Variants in ZFHX4 observed in about 807,000 individuals in gnomAD.
The protein encoded by ZFHX4 is zinc finger homeobox 4, also known as zinc finger homeobox protein 4.
A neutral mutation model predicts 267.6 loss-of-function variants in ZFHX4; 56 were observed. The observed-to-expected ratio is 0.21, with a 90% CI of 0.17 to 0.26. The LOEUF (loss-of-function observed/expected upper bound fraction) is 0.26, where lower values mean the gene tolerates loss of function less well. Ranked by LOEUF, ZFHX4 falls within the 10% of genes least tolerant of loss-of-function variation. The probability of loss-of-function intolerance (pLI) is 1.00; values close to 1 mark genes in which losing one functional copy is unlikely to be tolerated. For synonymous variants in ZFHX4, 1,778 were observed against 1,665.6 expected (o/e 1.07, Z -1.64); for missense variants, 4,332 against 4,420.0 (o/e 0.98, Z 0.56).
intron 1 of ZFHX4, among the ~76,000 whole-genome samples, chr8:76,687,605 C>A (rs936025145): frequency 3.9e-5 from 6 of 152,156 alleles, no homozygotes; most frequent in East Asian, 1.9e-4. Flanking sequence ...TTTTCTTCTT[C>A]TTATTCTCCC....
At chr8:76,732,143 T>C (rs948850662) in intron 3 of ZFHX4, among the ~76,000 whole-genome samples, 5 of 152,040 alleles carry the variant, frequency 3.3e-5, no homozygotes, top group African/African-American at 1.2e-4. Context: ...CACCTGACCA[T>C]GATCACATTT....
rs575948315 is a variant in ZFHX4, at chr8:76,704,687, C to T, written c.599C>T (p.Ser200Phe). Residue 200 changes from serine to phenylalanine, a missense_variant, in exon 2 of 11, where the codon TCC becomes TTC. By Grantham distance (155) the Ser-to-Phe change is radical. Around this residue, in one of 7 missense-constraint regions of ZFHX4, gnomAD observed 1,195 missense variants for 1,173.6 expected, o/e 1.02. Coordinates refer to ENST00000651372, the MANE Select transcript of ZFHX4 (RefSeq NM_024721.5). Reference sequence around the variant, plus strand: ...ATCAACACTTTTCATATCGCTTCATCCCTCGGGAAACCATTTACAGCCGAT... The same window carrying T: ...ATCAACACTTTTCATATCGCTTCATTCCTCGGGAAACCATTTACAGCCGAT... ...QIINTFHIAS[S>F]LGKPFTADQA... 6.2e-7 allele frequency: 1 copy of T among 1,614,034 alleles called. No homozygotes were observed. Among genetic ancestry groups the T allele is most frequent in the African/African-American group, 1.3e-5 (1 of 75,072 alleles).
chr8:76,720,096 A>G (rs1303200017), intron 3 of ZFHX4, among the ~76,000 whole-genome samples: 2 of 152,196 alleles, frequency 1.3e-5, no homozygotes, highest in Non-Finnish European at 2.9e-5. Context: ...TGCAGCCATT[A>G]CCACAATTGA....
chr8:76,759,960 T>C (rs1056332280), intron 3 of ZFHX4, among the ~76,000 whole-genome samples: 4 of 152,176 alleles, frequency 2.6e-5, no homozygotes, highest in African/African-American at 9.6e-5. Flanking sequence ...TTTAAGCTTA[T>C]GTTGTTATTT....
At chr8:76,772,319 T>G (rs1437036082) in intron 3 of ZFHX4, among the ~76,000 whole-genome samples, 1 of 152,174 alleles carries the variant, frequency 6.6e-6, no homozygotes, top group Non-Finnish European at 1.5e-5. Flanking sequence ...ATAGCTTTTA[T>G]AGTAGATGAA....
intron 4 of ZFHX4, among the ~76,000 whole-genome samples, chr8:76,794,554 A>C (rs1044704910): frequency 6.6e-6 from 1 of 152,164 alleles, no homozygotes; most frequent in African/African-American, 2.4e-5. Flanking sequence ...TACTAGAATC[A>C]GAACAATGCG....
At position 76,849,558 on chromosome 8, in the gene ZFHX4, G is replaced by T; in HGVS notation, c.3692G>T (p.Arg1231Leu). The T allele has an allele frequency of 8.7e-6, 14 of 1,613,892 alleles. No homozygotes were observed. Among genetic ancestry groups the T allele is most frequent in the Non-Finnish European group, 1.2e-5 (14 of 1,179,840 alleles). ...YCNYNSRDQS[R>L]IQMHVLSQHS... ...AACTACAATAGTAGGGACCAAAGTCGTATCCAGATGCACGTCCTATCACAG... is the reference window on the plus strand; with the variant it reads ...AACTACAATAGTAGGGACCAAAGTCTTATCCAGATGCACGTCCTATCACAG... The change falls in exon 8 of 11, where the codon CGT becomes CTT. Residue 1231 changes from arginine to leucine, a missense_variant. Physicochemically the swap from Arg to Leu is moderately radical, Grantham distance 102. Transcript: ENST00000651372.
In ZFHX4 at chr8:76,739,504, TA is replaced by T. The variant is rs530433019; in HGVS notation, c.3093+31459del. Among the ~76,000 whole-genome samples the T allele has an allele frequency of 5.9e-5, 9 of 152,254 alleles. No homozygotes were observed. The South Asian group carries it at 1.9e-3, about 32-fold the overall frequency. ...TAAGAAAATTCAATGATAGTGTATT[TA>T]AATGTGGATATCTAGTGGGGCAGGC... On this transcript the variant is annotated intron_variant, in intron 3 of 10. Transcript: ENST00000651372.
At chr8:76,850,510 C>A in intron 9 of ZFHX4, 148 bp downstream of exon 9, 3 of 752,976 alleles carry the variant, frequency 4.0e-6, no homozygotes, top group Non-Finnish European at 6.3e-6. Flanking sequence ...TTTTCCAAGG[C>A]ATATTTTGTG....
chr8:76,712,105 A>G (rs1808440243), intron 3 of ZFHX4, among the ~76,000 whole-genome samples: 1 of 152,116 alleles, frequency 6.6e-6, no homozygotes, highest in Non-Finnish European at 1.5e-5. Context: ...CCTTTTTCAT[A>G]TTTGGATATC....
At chr8:76,788,434 T>C (rs1810749482) in intron 4 of ZFHX4, among the ~76,000 whole-genome samples, 2 of 152,216 alleles carry the variant, frequency 1.3e-5, no homozygotes. Flanking sequence ...AATTTTATTC[T>C]TGATTATTAA....
chr8:76,753,222 A>G (rs773233531), intron 3 of ZFHX4, among the ~76,000 whole-genome samples: 9 of 152,282 alleles, frequency 5.9e-5, no homozygotes, highest in Middle Eastern at 6.8e-3. Context: ...TTGGACTCCC[A>G]GAAATCAGCC....
chr8:76,795,543 C>CTTTT (rs1204209981), intron 4 of ZFHX4, among the ~76,000 whole-genome samples: 6 of 125,324 alleles, frequency 4.8e-5, no homozygotes, highest in African/African-American at 9.1e-5. Context: ...TGATCCAAGT[C>CTTTT]TTTTTTTTTT....
At chr8:76,768,582 A>C (rs1810151052) in intron 3 of ZFHX4, among the ~76,000 whole-genome samples, 1 of 152,186 alleles carries the variant, frequency 6.6e-6, no homozygotes, top group East Asian at 1.9e-4. Context: ...GGGGGCACCC[A>C]TGTGTCTGTC....
chr8:76,813,788 A>C (rs2131849490), intron 4 of ZFHX4, among the ~76,000 whole-genome samples: 1 of 152,292 alleles, frequency 6.6e-6, no homozygotes, highest in South Asian at 2.1e-4. Context: ...TGTAAGAGTT[A>C]AGTGTTTGGA....
At chr8:76,733,906 A>G (rs1809088702) in intron 3 of ZFHX4, among the ~76,000 whole-genome samples, 1 of 152,204 alleles carries the variant, frequency 6.6e-6, no homozygotes, top group Non-Finnish European at 1.5e-5. Context: ...GTTTGATAAT[A>G]GATGTCATCA....
Position 76,704,132 on chromosome 8 carries a change from G to C in ZFHX4, c.44G>C (p.Gly15Ala), listed in dbSNP as rs1379132235. 2 of 1,613,678 alleles carry C rather than the reference G, an allele frequency of 1.2e-6. No individual in the cohort carries two copies. Among genetic ancestry groups the C allele is most frequent in the African/African-American group, 2.7e-5 (2 of 74,906 alleles). ...CCTCCTATCTCAAGGCAGGAAAATG[G>C]GCAGAGCACATCAAAGCTATGTGGA... ...DSPPISRQEN[G>A]QSTSKLCGTT... The change falls in exon 2 of 11, where the codon GGG becomes GCG. Residue 15 changes from glycine (G) to alanine (A), a missense_variant. Coordinates refer to ENST00000651372, the MANE Select transcript of ZFHX4 (RefSeq NM_024721.5).
At chr8:76,768,105 T>C (rs187783720) in intron 3 of ZFHX4, among the ~76,000 whole-genome samples, 42 of 152,150 alleles carry the variant, frequency 2.8e-4, no homozygotes, top group Non-Finnish European at 1.5e-5. Context: ...ACATAAAACA[T>C]TGACAAGGGT....
In ZFHX4 at chr8:76,854,670, C is replaced by T. The variant is rs374283630; in HGVS notation, c.7749C>T (p.Asp2583=). 1,160 of 1,613,432 alleles carry T rather than the reference C, an allele frequency of 7.2e-4. No homozygotes were observed. Among genetic ancestry groups the T allele is most frequent in the Non-Finnish European group, 9.3e-4 (1,102 of 1,179,812 alleles). Residue 2583 remains aspartate (D), a synonymous_variant, in exon 10 of 11, where the codon GAC becomes GAT. Coordinates refer to ENST00000651372, the MANE Select transcript of ZFHX4 (RefSeq NM_024721.5). Reference sequence around the variant, plus strand: ...CTGCTTCCCTAAAAAGGAAACTAGACGATAAAGAAGATAATAATTGCAGTG... The same window carrying T: ...CTGCTTCCCTAAAAAGGAAACTAGATGATAAAGAAGATAATAATTGCAGTG... ...TVAASLKRKL[D]DKEDNNCSEK...
Sources: allele counts gnomAD v4.1 joint callset (sites outside exome capture counted in the v4.1 genomes callset), GRCh38; gene constraint gnomAD v4.1.1; regional missense constraint gnomAD v4.1.1; transcripts MANE v1.5; gene names NCBI Gene and HGNC (gene_info 2026-07-23, HGNC 2026-07-21).